Variants in EFHC1 observed in about 807,000 individuals in gnomAD.
EFHC1 encodes EF-hand domain-containing protein 1.
EFHC1 carries 53 observed loss-of-function variants against 69.9 expected under a neutral mutation model. That is an observed-to-expected ratio of 0.76 (90% confidence interval 0.61 to 0.95). The LOEUF (loss-of-function observed/expected upper bound fraction) is 0.95, where lower values mean the gene tolerates loss of function less well. EFHC1 is among the 40% of genes least tolerant of loss of function. EFHC1 has a pLI of 0.00. For synonymous variants in EFHC1, 256 were observed against 278.4 expected (o/e 0.92, Z 0.80); for missense variants, 739 against 798.7 (o/e 0.93, Z 0.90).
Position 52,495,385 on chromosome 6 carries a change from T to A in EFHC1, c.*3044T>A, listed in dbSNP as rs1368065084. On this transcript the variant is annotated 3_prime_UTR_variant, in exon 11 of 11. Coordinates refer to ENST00000371068, the MANE Select transcript of EFHC1 (RefSeq NM_018100.4). ...CCCCTTTCAAGAAGCTTGCACTTTC[T>A]GATATTTTCTCCATCACTCTTGCCT... is the stretch of plus-strand genomic sequence containing the variant. 1.8e-5 allele frequency: 8 copies of A among 454,028 alleles called. No individual in the cohort carries two copies. Among genetic ancestry groups the A allele is most frequent in the African/African-American group, 4.0e-5 (2 of 50,018 alleles). The allele number at this position is 454,028 out of a possible 1,614,324, so 28.1% of individuals were successfully genotyped here.
intron 7 of EFHC1, among the ~76,000 whole-genome samples, chr6:52,475,316 G>A (rs1284195124): frequency 1.3e-5 from 2 of 152,178 alleles, no homozygotes; most frequent in Non-Finnish European, 1.5e-5. Context: ...AAAGAAAGGA[G>A]TATGCTATAG....
intron 3 of EFHC1, among the ~76,000 whole-genome samples, chr6:52,446,583 G>A (rs1326311172): frequency 6.6e-6 from 1 of 152,152 alleles, no homozygotes; most frequent in Non-Finnish European, 1.5e-5. Context: ...ATTGTTAAGT[G>A]TGAATTTGAT....
At chr6:52,430,089 T>G (rs1023426428) in intron 2 of EFHC1, 1 of 152,232 alleles carries the variant, frequency 6.6e-6, no homozygotes, top group African/African-American at 2.4e-5. Context: ...AATTCTTTTA[T>G]CAGTTCTAGG....
Position 52,492,387 on chromosome 6 carries a change from G to C in EFHC1, c.*46G>C. 2.6e-6 allele frequency: 4 copies of C among 1,548,176 alleles called. No homozygotes were observed. The highest frequency in any genetic ancestry group is 3.6e-6 in the Non-Finnish European group (4 of 1,122,026). ...AGACAATTTTTGATACTGGAACTAT[G>C]CTTTGAAATACACCTTACACTCTTC... On this transcript the variant is annotated 3_prime_UTR_variant, in exon 11 of 11. Coordinates refer to ENST00000371068, the MANE Select transcript of EFHC1 (RefSeq NM_018100.4).
rs59794069 is a variant in EFHC1, at chr6:52,493,365, CATATAT to C, written c.*1039_*1044del. 1.6e-3 allele frequency: 277 copies of C among 168,576 alleles called. 32 individuals are homozygous for C. Among genetic ancestry groups the C allele is most frequent in the African/African-American group, 7.4e-3 (173 of 23,258 alleles). The allele number at this position is 168,576 out of a possible 1,614,324, so 10.4% of individuals were successfully genotyped here. ...ATAACTCTCTCTTTCTCTCTCTCTA[CATATAT>C]ATATATATATATATTTTATATGTAC... On this transcript the variant is annotated 3_prime_UTR_variant, in exon 11 of 11. Transcript: ENST00000371068.
At position 52,424,148 on chromosome 6, in the gene EFHC1, A is replaced by G. The variant is rs543160745; in HGVS notation, c.266A>G (p.His89Arg). 3.7e-5 allele frequency: 60 copies of G among 1,614,022 alleles called. 1 individual carries two copies. In the South Asian group the frequency reaches 5.8e-4, roughly 16 times the overall value. ...CCACCTGCGGATTTTATTCCTGCGCATGTGGCCTTTGACAAAAAGGTATCA... is the reference window on the plus strand; with the variant it reads ...CCACCTGCGGATTTTATTCCTGCGCGTGTGGCCTTTGACAAAAAGGTATCA... ...QAPPADFIPAHVAFDKKVLKF... is the reference protein window; with the variant it reads ...QAPPADFIPARVAFDKKVLKF... Residue 89 changes from histidine to arginine, a missense_variant, in exon 2 of 11, where the codon CAT becomes CGT. Physicochemically the swap from His to Arg is conservative, Grantham distance 29. Coordinates refer to ENST00000371068, the MANE Select transcript of EFHC1 (RefSeq NM_018100.4).
chr6:52,453,903 A>G, intron 4 of EFHC1, 192 bp from the exon 5 acceptor site: 17 of 1,450,124 alleles, frequency 1.2e-5, no homozygotes, highest in Non-Finnish European at 1.5e-5. Context: ...CCAGCTGCTG[A>G]CATATAGTAC....
Position 52,490,304 on chromosome 6 carries a change from T to C in EFHC1, c.1805T>C (p.Ile602Thr), listed in dbSNP as rs1464541009. ...GTGGACAGAGACATGTTCTTTAAAA[T>C]CTGTGAATCGCTTAACGTCCCAGTG... is the stretch of plus-strand genomic sequence containing the variant. ...GYVDRDMFFK[I>T]CESLNVPVDD... Residue 602 changes from isoleucine (I) to threonine (T), a missense_variant, in exon 10 of 11, where the codon ATC becomes ACC. Ile to Thr is a moderately conservative substitution (Grantham distance 89). Transcript: ENST00000371068. 8 of 1,614,044 alleles carry C rather than the reference T, an allele frequency of 5.0e-6. No individual in the cohort carries two copies. The highest frequency in any genetic ancestry group is 6.8e-6 in the Non-Finnish European group (8 of 1,180,010).
chr6:52,493,031 C>G lies in EFHC1; in HGVS notation c.*690C>G. ...CCTCCCTAATGTGGGTGGGCCTCCT[C>G]CAATCATTTGAAGACATGAGTAGAA... On this transcript the variant is annotated 3_prime_UTR_variant, in exon 11 of 11. Transcript: ENST00000371068. 2.2e-6 allele frequency: 1 copy of G among 454,026 alleles called. No homozygotes were observed. Among genetic ancestry groups the G allele is most frequent in the Non-Finnish European group, 4.4e-6 (1 of 226,764 alleles). 28.1% of individuals were successfully genotyped at this position (454,026 alleles called of 1,614,324 possible).
intron 8 of EFHC1, 121 bp from the exon 9 acceptor site, chr6:52,479,519 C>T (rs1235865385): frequency 1.1e-5 from 16 of 1,449,304 alleles, no homozygotes; most frequent in Admixed American, 5.1e-5. Context: ...TTAAAGAAAG[C>T]TCATTAGTTT....
intron 6 of EFHC1, among the ~76,000 whole-genome samples, chr6:52,467,651 G>T (rs1299576226): frequency 6.6e-6 from 1 of 152,110 alleles, no homozygotes; most frequent in African/African-American, 2.4e-5. Flanking sequence ...ATTTTGGTTG[G>T]TTGTTTTGCT....
chr6:52,453,228 A>G, intron 4 of EFHC1: 1 of 1,293,310 alleles, frequency 7.7e-7, no homozygotes. Flanking sequence ...ACAAATATGC[A>G]TACATGTAGG....
chr6:52,492,031 G>A (rs995545168), intron 10 of EFHC1, among the ~76,000 whole-genome samples: 4 of 152,072 alleles, frequency 2.6e-5, no homozygotes, highest in African/African-American at 7.2e-5. Context: ...TCATTCTTTC[G>A]GCCTTCAACA....
intron 2 of EFHC1, among the ~76,000 whole-genome samples, chr6:52,430,562 T>G (rs1313994002): frequency 6.6e-6 from 1 of 152,218 alleles, no homozygotes; most frequent in South Asian, 2.1e-4. Flanking sequence ...TGAAAACCAC[T>G]TAATCGTGGT....
At chr6:52,445,966 T>A (rs1007561777) in intron 3 of EFHC1, among the ~76,000 whole-genome samples, 1 of 152,174 alleles carries the variant, frequency 6.6e-6, no homozygotes, top group Non-Finnish European at 1.5e-5. Flanking sequence ...TGCTGAGGAG[T>A]GCTTTACTTC....
chr6:52,479,424 C>G (rs1380493874), intron 8 of EFHC1, among the ~76,000 whole-genome samples, 174 bp downstream of exon 8: 4 of 152,096 alleles, frequency 2.6e-5, no homozygotes, highest in Non-Finnish European at 5.9e-5. Context: ...CAATTAAACT[C>G]TTAAGTTGAT....
At chr6:52,482,540 T>C (rs375493238) in intron 9 of EFHC1, 1 of 353,132 alleles carries the variant, frequency 2.8e-6, no homozygotes, top group East Asian at 4.2e-5. Flanking sequence ...CTTCTCATTG[T>C]ATAACTTATG....
intron 8 of EFHC1, among the ~76,000 whole-genome samples, 152 bp from the exon 9 acceptor site, chr6:52,479,485 AACG>A (rs1196049006): frequency 6.6e-6 from 1 of 152,092 alleles, no homozygotes; most frequent in Admixed American, 6.5e-5. Context: ...ATACTGAGCA[AACG>A]ACTGCATATT....
chr6:52,450,341 TAGGTCC>T (rs1254201821), intron 3 of EFHC1, among the ~76,000 whole-genome samples: 2 of 152,196 alleles, frequency 1.3e-5, no homozygotes, highest in African/African-American at 4.8e-5. Context: ...AATGTTGAGT[TAGGTCC>T]TGAATATCTT....
Sources: allele counts gnomAD v4.1 joint callset (sites outside exome capture counted in the v4.1 genomes callset), GRCh38; gene constraint gnomAD v4.1.1; transcripts MANE v1.5; gene names NCBI Gene and HGNC (gene_info 2026-07-23, HGNC 2026-07-21).